Variants in DENND5A observed in about 807,000 individuals in gnomAD.
The protein encoded by DENND5A is DENN domain-containing protein 5A.
DENND5A carries 64 observed loss-of-function variants against 140.3 expected under a neutral mutation model. The observed-to-expected ratio is 0.46, with a 90% CI of 0.37 to 0.56. The LOEUF is 0.56. Among genes scored for constraint, DENND5A ranks in the 20% least tolerant of loss-of-function variants. The pLI, the probability that DENND5A is intolerant of heterozygous loss-of-function variation, is 0.00. For missense variants in DENND5A, 1,292 were observed against 1,593.8 expected (o/e 0.81, Z 3.22); for synonymous variants, 605 against 607.7 (o/e 1.00, Z 0.07).
rs553738477 is a variant in DENND5A, at chr11:9,246,040, C to T, written c.109+18921G>A. 9.2e-4 allele frequency among the ~76,000 whole-genome samples: 140 copies of T among 152,204 alleles called. 1 individual carries two copies. The highest frequency in any genetic ancestry group is 3.1e-3 in the African/African-American group (128 of 41,512). On this transcript the variant is annotated intron_variant, in intron 1 of 22. Coordinates refer to ENST00000328194, the MANE Select transcript of DENND5A (RefSeq NM_015213.4). ...TGCCTACCTGACTCTGAGATGGAGC[C>T]GGGACCCCTTTTTTAGGGCCTGCAG...
At chr11:9,264,403 T>C (rs1013488677) in intron 1 of DENND5A, among the ~76,000 whole-genome samples, 3 of 151,996 alleles carry the variant, frequency 2.0e-5, no homozygotes, top group African/African-American at 7.2e-5. Context: ...GAGTTCCTAC[T>C]CTTCTTGGTG....
intron 1 of DENND5A, among the ~76,000 whole-genome samples, chr11:9,243,463 T>C (rs912128026): frequency 1.3e-5 from 2 of 152,092 alleles, no homozygotes; most frequent in Non-Finnish European, 2.9e-5. Flanking sequence ...ATACATAGAT[T>C]TTCTTCCACC....
intron 7 of DENND5A, 73 bp from the exon 8 acceptor site, chr11:9,178,439 G>A (rs1848617483): frequency 3.3e-6 from 3 of 906,246 alleles, no homozygotes; most frequent in Middle Eastern, 3.2e-4. Flanking sequence ...GATCCAGTAG[G>A]TTAATTATTC....
chr11:9,159,321 C>CTTTTTTTTTTTTTTTTTTTTTTTTTTT (rs59379591), intron 12 of DENND5A, among the ~76,000 whole-genome samples: 1 of 136,840 alleles, frequency 7.3e-6, no homozygotes, highest in African/African-American at 2.7e-5. Context: ...ACTTTTTTTT[C>CTTTTTTTTTTTTTTTTTTTTTTTTTTT]TTTTTTTTTT....
chr11:9,193,650 C>A lies in DENND5A; in HGVS notation c.981G>T (p.Thr327=). 1 of 1,613,582 alleles carries A rather than the reference C, an allele frequency of 6.2e-7. No homozygotes were observed. Among genetic ancestry groups the A allele is most frequent in the Non-Finnish European group, 8.5e-7 (1 of 1,179,768 alleles). Residue 327 remains threonine, a synonymous_variant, in exon 5 of 23, where the codon ACG becomes ACT. Transcript: ENST00000328194. ...HYQRLMTVAE[T]ITALMFPFQW... ...GGAAAGGAAACATGAGAGCTGTAAT[C>A]GTCTCCGCCACAGTCATCAGTCTCT... is the stretch of plus-strand genomic sequence containing the variant.
At chr11:9,153,806 A>C (rs1847713257) in intron 12 of DENND5A, among the ~76,000 whole-genome samples, 1 of 152,242 alleles carries the variant, frequency 6.6e-6, no homozygotes. Context: ...TAAGAACTGC[A>C]CTTTAAACCA....
intron 1 of DENND5A, among the ~76,000 whole-genome samples, chr11:9,259,652 T>G (rs891047227): frequency 1.3e-5 from 2 of 152,038 alleles, no homozygotes; most frequent in African/African-American, 4.8e-5. Flanking sequence ...CCAAGCATCA[T>G]CCTGCCTCAG....
chr11:9,237,664 T>G (rs1303898424), intron 1 of DENND5A, among the ~76,000 whole-genome samples: 1 of 152,098 alleles, frequency 6.6e-6, no homozygotes, highest in Non-Finnish European at 1.5e-5. Flanking sequence ...GGCAGACAGA[T>G]CACCTGAGAT....
At chr11:9,152,650 C>T (rs981036928) in intron 12 of DENND5A, among the ~76,000 whole-genome samples, 3 of 151,972 alleles carry the variant, frequency 2.0e-5, no homozygotes, top group Non-Finnish European at 4.4e-5. Context: ...AGGAAAGGGT[C>T]CCCTACTGGG....
intron 1 of DENND5A, among the ~76,000 whole-genome samples, chr11:9,230,440 C>T (rs922493586): frequency 6.6e-6 from 1 of 151,480 alleles, no homozygotes; most frequent in Non-Finnish European, 1.5e-5. Flanking sequence ...AGGTTCTCAC[C>T]GTTTTTCCCA....
intron 1 of DENND5A, among the ~76,000 whole-genome samples, chr11:9,248,909 T>C (rs1040970686): frequency 1.3e-5 from 2 of 151,958 alleles, no homozygotes; most frequent in Admixed American, 6.6e-5. Context: ...AAAGAAAGAA[T>C]GAAAAAGGCA....
chr11:9,196,249 G>A lies in DENND5A; in HGVS notation c.950-2568C>T, dbSNP rs1849324412. On this transcript the variant is annotated intron_variant, in intron 4 of 22. Coordinates refer to ENST00000328194, the MANE Select transcript of DENND5A (RefSeq NM_015213.4). ...ATTACAGGTGTGAGCCACCGTGCCC[G>A]GCCCATTTTTATGACTTGTATGTGC... Among the ~76,000 whole-genome samples, 4 of 151,984 alleles carry A rather than the reference G, an allele frequency of 2.6e-5. No individual in the cohort carries two copies. In the South Asian group the frequency reaches 8.3e-4, roughly 32 times the overall value.
intron 1 of DENND5A, among the ~76,000 whole-genome samples, chr11:9,234,288 C>T (rs1238484217): frequency 6.6e-6 from 1 of 151,946 alleles, no homozygotes. Context: ...TTCAAAAGTG[C>T]CCAAACCTCA....
chr11:9,185,494 C>G (rs574333758), intron 5 of DENND5A, among the ~76,000 whole-genome samples: 2 of 152,216 alleles, frequency 1.3e-5, no homozygotes, highest in South Asian at 4.1e-4. Flanking sequence ...ATCTGTTTCT[C>G]CCTATGCCAA....
At chr11:9,249,738 T>C (rs982788766) in intron 1 of DENND5A, among the ~76,000 whole-genome samples, 7 of 152,004 alleles carry the variant, frequency 4.6e-5, no homozygotes, top group African/African-American at 1.4e-4. Flanking sequence ...TTAGTAGAAA[T>C]GGGGTTTCAC....
At chr11:9,207,316 G>T in intron 2 of DENND5A, 1 of 511,356 alleles carries the variant, frequency 2.0e-6, no homozygotes, top group Non-Finnish European at 3.5e-6. Flanking sequence ...GAAATTTCTG[G>T]AATTGTCCTT....
chr11:9,193,502 G>C lies in DENND5A; in HGVS notation c.1129C>G (p.Pro377Ala). ...GLDDRSKLEL[P>A]QEANLCFVDI... ...AACACTCAAGATCTCACCTCTTGAGGCAGCTCCAGCTTTGACCGGTCATCC... is the reference window on the plus strand; with the variant it reads ...AACACTCAAGATCTCACCTCTTGAGCCAGCTCCAGCTTTGACCGGTCATCC... The change falls in exon 5 of 23, where the codon CCT becomes GCT. Residue 377 changes from proline (P) to alanine (A), a missense_variant. Physicochemically the swap from Pro to Ala is conservative, Grantham distance 27. This residue lies in a region of DENND5A where 566 missense variants were observed against 650.4 expected (regional missense o/e 0.87). Coordinates refer to ENST00000328194, the MANE Select transcript of DENND5A (RefSeq NM_015213.4). 2 of 1,604,510 alleles carry C rather than the reference G, an allele frequency of 1.2e-6. No individual in the cohort carries two copies. The highest frequency in any genetic ancestry group is 1.7e-6 in the Non-Finnish European group (2 of 1,175,952).
intron 3 of DENND5A, 98 bp downstream of exon 3, chr11:9,206,575 G>T: frequency 3.6e-6 from 3 of 841,312 alleles, no homozygotes; most frequent in Non-Finnish European, 6.0e-6. Flanking sequence ...AAAAGTTATT[G>T]GTATTTGGTG....
intron 1 of DENND5A, among the ~76,000 whole-genome samples, chr11:9,241,504 C>T (rs376159463): frequency 6.6e-6 from 1 of 152,314 alleles, no homozygotes; most frequent in East Asian, 1.9e-4. Flanking sequence ...CTCATCTTCC[C>T]ACCACTTGTC....
Sources: allele counts gnomAD v4.1 joint callset (sites outside exome capture counted in the v4.1 genomes callset), GRCh38; gene constraint gnomAD v4.1.1; regional missense constraint gnomAD v4.1.1; transcripts MANE v1.5; gene names NCBI Gene and HGNC (gene_info 2026-07-23, HGNC 2026-07-21).